PTPRD: variants seen among roughly 807,000 people sequenced by gnomAD.
PTPRD encodes the protein protein tyrosine phosphatase receptor type D.
PTPRD carries 34 observed loss-of-function variants against 214.5 expected under a neutral mutation model. The ratio of observed to expected loss-of-function variants is 0.16; its 90% CI spans 0.12 to 0.21. The LOEUF (loss-of-function observed/expected upper bound fraction) is 0.21. Among genes scored for constraint, PTPRD ranks in the 10% least tolerant of loss-of-function variants. The pLI, the probability that PTPRD is intolerant of heterozygous loss-of-function variation, is 1.00. For synonymous variants in PTPRD, 1,128 were observed against 845.7 expected (o/e 1.33, Z -5.79); for missense variants, 2,545 against 2,398.7 (o/e 1.06, Z -1.27).
At chr9:9,127,715 T>C (rs1338243926) in intron 10 of PTPRD, among the ~76,000 whole-genome samples, 1 of 152,176 alleles carries the variant, frequency 6.6e-6, no homozygotes, top group East Asian at 1.9e-4. Flanking sequence ...TGTAAATTTA[T>C]ATATACATGT....
intron 10 of PTPRD, among the ~76,000 whole-genome samples, chr9:9,040,450 A>G (rs1230640112): frequency 6.6e-6 from 1 of 152,190 alleles, no homozygotes; most frequent in East Asian, 1.9e-4. Flanking sequence ...GTAGAATTTT[A>G]AAACAAATTC....
intron 5 of PTPRD, among the ~76,000 whole-genome samples, chr9:9,883,076 G>A (rs1035829888): frequency 1.3e-5 from 2 of 152,100 alleles, no homozygotes; most frequent in African/African-American, 2.4e-5. Context: ...TCAGAACTAT[G>A]AGCCATATAA....
intron 33 of PTPRD, among the ~76,000 whole-genome samples, chr9:8,455,037 A>T (rs560767381): frequency 1.3e-5 from 2 of 152,220 alleles, no homozygotes. Context: ...AAAGCCTTCA[A>T]TTAAGAGGTA....
chr9:9,893,201 C>A (rs1173093129), intron 5 of PTPRD, among the ~76,000 whole-genome samples: 7 of 151,964 alleles, frequency 4.6e-5, no homozygotes, highest in Admixed American at 4.6e-4. Flanking sequence ...AGTGACACTA[C>A]AAAGCAACCA....
intron 21 of PTPRD, among the ~76,000 whole-genome samples, chr9:8,511,123 C>T (rs565578814): frequency 1.3e-5 from 2 of 152,094 alleles, no homozygotes; most frequent in African/African-American, 4.8e-5. Context: ...GGCTGGAGTG[C>T]AATGGCACAA....
intron 9 of PTPRD, among the ~76,000 whole-genome samples, chr9:9,388,364 C>G (rs952010829): frequency 3.9e-5 from 6 of 152,154 alleles, no homozygotes; most frequent in African/African-American, 1.4e-4. Flanking sequence ...ACACACTCCT[C>G]TACTCAGCAC....
chr9:9,050,959 A>G (rs1028663082), intron 10 of PTPRD, among the ~76,000 whole-genome samples: 3 of 152,202 alleles, frequency 2.0e-5, no homozygotes, highest in African/African-American at 4.8e-5. Flanking sequence ...AGTATCCCCC[A>G]TGAATAACTA....
At chr9:10,262,736 T>A (rs1369247779) in intron 3 of PTPRD, among the ~76,000 whole-genome samples, 2 of 152,186 alleles carry the variant, frequency 1.3e-5, no homozygotes, top group Non-Finnish European at 2.9e-5. Flanking sequence ...CCAAAGGTGA[T>A]AGATTTTCAC....
chr9:9,467,618 A>G (rs2094299910), intron 8 of PTPRD, among the ~76,000 whole-genome samples: 1 of 148,738 alleles, frequency 6.7e-6, no homozygotes, highest in Non-Finnish European at 1.5e-5. Context: ...AAAGTTGAGC[A>G]GAAATGACCG....
chr9:9,894,904 C>A (rs1348980091), intron 5 of PTPRD, among the ~76,000 whole-genome samples: 2 of 151,684 alleles, frequency 1.3e-5, no homozygotes, highest in African/African-American at 4.8e-5. Flanking sequence ...AACAAAAGAG[C>A]CAGAAATGGC....
chr9:9,619,856 T>C (rs958358685), intron 7 of PTPRD, among the ~76,000 whole-genome samples: 6 of 148,340 alleles, frequency 4.0e-5, no homozygotes, highest in African/African-American at 1.2e-4. Context: ...TATTTCTATA[T>C]AGAAACATCT....
At chr9:9,305,142 C>T (rs1199854741) in intron 9 of PTPRD, among the ~76,000 whole-genome samples, 1 of 151,508 alleles carries the variant, frequency 6.6e-6, no homozygotes, top group Non-Finnish European at 1.5e-5. Flanking sequence ...CACATTTCAG[C>T]TTCTTTTGTC....
At chr9:8,633,172 G>T in intron 14 of PTPRD, 145 bp downstream of exon 14, 1 of 1,001,836 alleles carries the variant, frequency 1.0e-6, no homozygotes, top group Non-Finnish European at 1.4e-6. Context: ...GGTATCCACT[G>T]TCTAATTAAA....
chr9:9,743,769 C>CACACACACACACACACAA (rs1554959352), intron 6 of PTPRD, among the ~76,000 whole-genome samples: 2 of 146,270 alleles, frequency 1.4e-5, no homozygotes, highest in African/African-American at 5.4e-5. Flanking sequence ...CACACACACA[C>CACACACACACACACACAA]AATTTATACT....
chr9:9,188,096 C>T (rs754847504), intron 9 of PTPRD, among the ~76,000 whole-genome samples: 1 of 151,992 alleles, frequency 6.6e-6, no homozygotes, highest in Non-Finnish European at 1.5e-5. Flanking sequence ...TAAACAAACA[C>T]CATCTTGACT....
chr9:8,323,668 A>G (rs13294162), intron 44 of PTPRD, among the ~76,000 whole-genome samples: 7,595 of 152,268 alleles, frequency 0.05, 268 homozygotes, highest in Middle Eastern at 0.13. Flanking sequence ...CTGCAATCTC[A>G]TGATAAAACC....
intron 43 of PTPRD, 67 bp downstream of exon 43, chr9:8,338,847 CAGAGAGAG>C (rs4008208): frequency 1.9e-6 from 2 of 1,077,778 alleles, no homozygotes; most frequent in South Asian, 2.2e-5. Context: ...GTGCTTCTCC[CAGAGAGAG>C]AGAGAGAGAG....
intron 10 of PTPRD, among the ~76,000 whole-genome samples, chr9:9,033,433 A>G (rs2099611910): frequency 6.6e-6 from 1 of 152,064 alleles, no homozygotes; most frequent in African/African-American, 2.4e-5. Flanking sequence ...TCATTCCCAC[A>G]TCTCAGAAAG....
At chr9:8,572,149 G>C (rs141614553) in intron 14 of PTPRD, among the ~76,000 whole-genome samples, 1 of 152,198 alleles carries the variant, frequency 6.6e-6, no homozygotes, top group East Asian at 1.9e-4. Flanking sequence ...GGCAAGTTCT[G>C]AGTGTCAGTT....
Sources: allele counts gnomAD v4.1 joint callset (sites outside exome capture counted in the v4.1 genomes callset), GRCh38; gene constraint gnomAD v4.1.1; transcripts MANE v1.5; gene names NCBI Gene and HGNC (gene_info 2026-07-23, HGNC 2026-07-21).